The following ZNF804B variants were observed in gnomAD, a reference collection of about 807,000 sequenced individuals.
The protein encoded by ZNF804B is zinc finger protein 804B, also known as zinc finger 804B.
In ZNF804B, 80 loss-of-function variants were observed where a neutral mutation model predicts 101.4. That is an observed-to-expected ratio of 0.79 (90% CI 0.66 to 0.95). The LOEUF is 0.95. ZNF804B is among the 40% of genes least tolerant of loss of function. ZNF804B has a pLI of 0.00. For synonymous variants in ZNF804B, 622 were observed against 558.8 expected, an observed-to-expected ratio of 1.11 and a Z score of -1.59; for missense variants, 1,673 against 1,561.9, an observed-to-expected ratio of 1.07 and a Z score of -1.20.
intron 1 of ZNF804B, among the ~76,000 whole-genome samples, chr7:88,914,224 T>C (rs1349598395): frequency 6.6e-6 from 1 of 152,204 alleles, no homozygotes; most frequent in Non-Finnish European, 1.5e-5. Flanking sequence ...ATGAATCTTC[T>C]CATGGAAAAT....
chr7:88,787,783 C>A (rs1483655732), intron 1 of ZNF804B, among the ~76,000 whole-genome samples: 1 of 152,090 alleles, frequency 6.6e-6, no homozygotes, highest in African/African-American at 2.4e-5. Context: ...AATTTGACAC[C>A]AGAGTGGCTC....
In ZNF804B at chr7:89,075,046, G is replaced by A. The variant is rs186159916; in HGVS notation, c.109-143109G>A. 1.4e-3 allele frequency among the ~76,000 whole-genome samples: 216 copies of A among 152,310 alleles called. 1 individual carries two copies. The highest frequency in any genetic ancestry group is 5.0e-3 in the African/African-American group (206 of 41,568). ...TTCTAAGCAGCAAAGCATTCAATAG[G>A]TGACTTGGGTACTGTTAAAGGCATT... On this transcript the variant is annotated intron_variant, in intron 1 of 3. Transcript: ENST00000333190.
chr7:88,817,585 A>G (rs2115750825), intron 1 of ZNF804B, among the ~76,000 whole-genome samples: 3 of 152,242 alleles, frequency 2.0e-5, no homozygotes, highest in Admixed American at 2.0e-4. Context: ...TTTATTCTAG[A>G]ATAGCTTCAG....
At chr7:89,193,196 G>A (rs1788487643) in intron 1 of ZNF804B, among the ~76,000 whole-genome samples, 1 of 151,670 alleles carries the variant, frequency 6.6e-6, no homozygotes, top group Non-Finnish European at 1.5e-5. Flanking sequence ...CAGGAAGAGA[G>A]GAAGTCAAAC....
At chr7:89,323,932 G>A (rs1043278515) in intron 2 of ZNF804B, among the ~76,000 whole-genome samples, 5 of 152,090 alleles carry the variant, frequency 3.3e-5, no homozygotes, top group African/African-American at 1.2e-4. Context: ...CATGGCTGAA[G>A]TAAATGAGTT....
intron 2 of ZNF804B, among the ~76,000 whole-genome samples, chr7:89,284,710 GA>G (rs35903565): frequency 4.6e-5 from 7 of 151,376 alleles, no homozygotes. Flanking sequence ...ACAGGATTTG[GA>G]AAAAAAATAA....
intron 1 of ZNF804B, among the ~76,000 whole-genome samples, chr7:89,205,850 G>A (rs1348644401): frequency 6.6e-6 from 1 of 152,106 alleles, no homozygotes; most frequent in Admixed American, 6.6e-5. Flanking sequence ...GATTCTATGT[G>A]GGGGGCTCAA....
intron 1 of ZNF804B, among the ~76,000 whole-genome samples, chr7:88,853,970 A>G (rs1285410301): frequency 6.6e-6 from 1 of 152,148 alleles, no homozygotes; most frequent in African/African-American, 2.4e-5. Context: ...ACATTGTTTA[A>G]AAACCACAAA....
chr7:88,903,606 C>T (rs530238945), intron 1 of ZNF804B, among the ~76,000 whole-genome samples: 2 of 152,222 alleles, frequency 1.3e-5, no homozygotes, highest in South Asian at 2.1e-4. Context: ...TCCATAGCCT[C>T]GCCAGCATCT....
At chr7:88,951,847 T>C (rs1056248814) in intron 1 of ZNF804B, among the ~76,000 whole-genome samples, 4 of 151,802 alleles carry the variant, frequency 2.6e-5, no homozygotes, top group Admixed American at 6.6e-5. Flanking sequence ...AAAGGATAAG[T>C]TTTTCTTCAA....
intron 1 of ZNF804B, among the ~76,000 whole-genome samples, chr7:89,117,525 C>A (rs2116361182): frequency 1.3e-5 from 2 of 152,230 alleles, no homozygotes; most frequent in Middle Eastern, 3.4e-3. Flanking sequence ...AAGACTATAT[C>A]CAATCACTAA....
In ZNF804B at chr7:88,924,689, A is replaced by G. The variant is rs148762410; in HGVS notation, c.108+164605A>G. On this transcript the variant is annotated intron_variant, in intron 1 of 3. Coordinates refer to ENST00000333190, the MANE Select transcript of ZNF804B (RefSeq NM_181646.5). ...TCATTTCATTCAAGACTAAAATAACACTGTTGTAACTCTCTCTCCTCATTT... is the reference window on the plus strand; with the variant it reads ...TCATTTCATTCAAGACTAAAATAACGCTGTTGTAACTCTCTCTCCTCATTT... Among the ~76,000 whole-genome samples the G allele has an allele frequency of 1.3e-4, 20 of 152,188 alleles. 1 individual carries two copies. Among genetic ancestry groups the G allele is most frequent in the African/African-American group, 4.6e-4 (19 of 41,532 alleles).
rs1554380486 is a variant in ZNF804B, at chr7:89,221,702, T to TTCTATTCTATTCTAG, written c.249+3421_249+3422insGTCTATTCTATTCTA. Among the ~76,000 whole-genome samples the TTCTATTCTATTCTAG allele has an allele frequency of 2.8e-4, 27 of 96,176 alleles. No individual in the cohort carries two copies. The East Asian group carries it at 7.1e-3, about 25-fold the overall frequency. The allele number at this position is 96,176 out of a possible 152,430, so 63.1% of individuals were successfully genotyped here. ...AACCTTCCTCAATATTTCTATTCTA[T>TTCTATTCTATTCTAG]TCTATTCTATTCTATTCTATTCTAT... is the stretch of plus-strand genomic sequence containing the variant. On this transcript the variant is annotated intron_variant, in intron 2 of 3. Coordinates refer to ENST00000333190, the MANE Select transcript of ZNF804B (RefSeq NM_181646.5).
chr7:88,769,452 G>C (rs565425878), intron 1 of ZNF804B, among the ~76,000 whole-genome samples: 6 of 152,204 alleles, frequency 3.9e-5, no homozygotes, highest in Non-Finnish European at 5.9e-5. Flanking sequence ...ATTCTATGTA[G>C]CATTTCAGAA....
At chr7:89,246,635 C>T (rs1360363736) in intron 2 of ZNF804B, among the ~76,000 whole-genome samples, 3 of 151,714 alleles carry the variant, frequency 2.0e-5, no homozygotes, top group Non-Finnish European at 4.4e-5. Flanking sequence ...CAGCCTGAGC[C>T]ATTTCATTCT....
At chr7:89,036,921 A>C (rs1788938572) in intron 1 of ZNF804B, among the ~76,000 whole-genome samples, 2 of 152,162 alleles carry the variant, frequency 1.3e-5, no homozygotes, top group Admixed American at 1.3e-4. Flanking sequence ...TCTGTTGTGA[A>C]GATGTGGAAA....
intron 1 of ZNF804B, among the ~76,000 whole-genome samples, chr7:88,828,979 C>T (rs1791090659): frequency 6.6e-6 from 1 of 152,128 alleles, no homozygotes; most frequent in Non-Finnish European, 1.5e-5. Flanking sequence ...TACCCAGCTA[C>T]TGAACTGTTA....
intron 2 of ZNF804B, among the ~76,000 whole-genome samples, chr7:89,317,850 A>G (rs1300526820): frequency 6.6e-6 from 1 of 152,226 alleles, no homozygotes; most frequent in African/African-American, 2.4e-5. Flanking sequence ...GGAAGATAAA[A>G]TGAACTTTTA....
At position 89,336,185 on chromosome 7, in the gene ZNF804B, C is replaced by T. The variant is rs1791083584; in HGVS notation, c.3203C>T (p.Pro1068Leu). 2 of 1,613,698 alleles carry T rather than the reference C, an allele frequency of 1.2e-6. No homozygotes were observed. Among genetic ancestry groups the T allele is most frequent in the Middle Eastern group, 1.6e-4 (1 of 6,082 alleles). ...CAACCTTTTATTCAAAGCTGTGACC[C>T]AGTACCAAATGAATTCCCTGGTGCT... ...EIQPFIQSCD[P>L]VPNEFPGAFP... The change falls in exon 4 of 4, where the codon CCA (proline) becomes CTA (leucine). Residue 1068 changes from proline (P) to leucine (L), a missense_variant. Pro to Leu is a moderately conservative substitution (Grantham distance 98). Coordinates refer to ENST00000333190, the MANE Select transcript of ZNF804B (RefSeq NM_181646.5).
Sources: gnomAD v4.1 joint callset for allele counts (sites outside exome capture counted in the v4.1 genomes callset) on GRCh38, gnomAD v4.1.1 for gene constraint, MANE v1.5 for transcripts, NCBI Gene and HGNC (gene_info 2026-07-23, HGNC 2026-07-21) for gene names.